TMEM117: variants seen among roughly 807,000 people sequenced by gnomAD.
TMEM117 encodes transmembrane protein 117.
Under a neutral mutation model 52.4 loss-of-function variants are expected in TMEM117, and 27 were observed. The ratio of observed to expected loss-of-function variants is 0.51; its 90% CI spans 0.38 to 0.71. TMEM117 has a LOEUF of 0.71. Among genes scored for constraint, TMEM117 ranks in the 30% least tolerant of loss-of-function variants. The pLI is 0.00. For synonymous variants in TMEM117, 215 were observed against 206.3 expected (o/e 1.04, Z -0.36); for missense variants, 556 against 630.5 (o/e 0.88, Z 1.26).
Position 44,151,407 on chromosome 12 carries a change from G to A in TMEM117, c.510+7783G>A, listed in dbSNP as rs10467197. ...AAGTTTTAGGATACATGTGCACAACGTGCAGGTTTGTTACATATGTATATA... is the reference window on the plus strand; with the variant it reads ...AAGTTTTAGGATACATGTGCACAACATGCAGGTTTGTTACATATGTATATA... On this transcript the variant is annotated intron_variant, in intron 4 of 7. Transcript: ENST00000266534. Among the ~76,000 whole-genome samples, 610 of 147,924 alleles carry A rather than the reference G, an allele frequency of 4.1e-3. 6 individuals are homozygous for A. Among genetic ancestry groups the A allele is most frequent in the African/African-American group, 0.015 (581 of 39,912 alleles).
At chr12:43,899,084 A>T (rs1422052427) in intron 2 of TMEM117, among the ~76,000 whole-genome samples, 1 of 152,244 alleles carries the variant, frequency 6.6e-6, no homozygotes, top group African/African-American at 2.4e-5. Flanking sequence ...AGAACCTTTC[A>T]TACTGCTGAG....
chr12:44,265,005 G>A (rs1426212321), intron 5 of TMEM117, among the ~76,000 whole-genome samples: 1 of 152,176 alleles, frequency 6.6e-6, no homozygotes, highest in African/African-American at 2.4e-5. Context: ...TCTGGGGATA[G>A]TAGATGATAA....
At chr12:44,251,759 T>C (rs1950199321) in intron 5 of TMEM117, among the ~76,000 whole-genome samples, 1 of 152,220 alleles carries the variant, frequency 6.6e-6, no homozygotes, top group Admixed American at 6.6e-5. Context: ...TTTAAAGTCA[T>C]TTATTTACCT....
chr12:44,095,721 T>A (rs1321131816), intron 3 of TMEM117, among the ~76,000 whole-genome samples: 1 of 152,088 alleles, frequency 6.6e-6, no homozygotes, highest in East Asian at 1.9e-4. Context: ...AGCTTCCAAA[T>A]CTTCACCAGT....
At chr12:43,892,528 C>G (rs1944126056) in intron 2 of TMEM117, among the ~76,000 whole-genome samples, 1 of 152,162 alleles carries the variant, frequency 6.6e-6, no homozygotes, top group African/African-American at 2.4e-5. Context: ...AATCCAAGTT[C>G]CCAGATGCCA....
At chr12:44,204,365 T>C (rs1207895828) in intron 4 of TMEM117, among the ~76,000 whole-genome samples, 7 of 152,118 alleles carry the variant, frequency 4.6e-5, no homozygotes, top group Non-Finnish European at 8.8e-5. Context: ...ACCAGGCAGG[T>C]GGAAGATGTA....
the TMEM117 span, among the ~76,000 whole-genome samples, chr12:43,800,820 A>G: frequency 6.6e-6 from 1 of 152,096 alleles, no homozygotes; most frequent in African/African-American, 2.4e-5. Flanking sequence ...GCATGATCTC[A>G]GCTCACTGCA....
At chr12:43,927,409 A>G (rs1944797021) in intron 2 of TMEM117, among the ~76,000 whole-genome samples, 1 of 151,168 alleles carries the variant, frequency 6.6e-6, no homozygotes, top group African/African-American at 2.4e-5. Flanking sequence ...TAATTGTAGT[A>G]TTTAAATATA....
At chr12:43,833,793 A>C (rs557468559), upstream of TMEM117, among the ~76,000 whole-genome samples, 6 of 150,474 alleles carry the variant, frequency 4.0e-5, no homozygotes, top group Admixed American at 2.6e-4. Flanking sequence ...TGTCTCTTTA[A>C]AAAAGAAAAA....
At chr12:44,241,160 A>G (rs1052315988) in intron 5 of TMEM117, among the ~76,000 whole-genome samples, 1 of 151,970 alleles carries the variant, frequency 6.6e-6, no homozygotes, top group African/African-American at 2.4e-5. Context: ...TGTAAAACAC[A>G]ATATAAGCAG....
intron 4 of TMEM117, among the ~76,000 whole-genome samples, chr12:44,174,831 G>T (rs986980348): frequency 2.6e-5 from 4 of 152,146 alleles, no homozygotes; most frequent in Non-Finnish European, 5.9e-5. Context: ...TTAAAAGAAG[G>T]AGGTCAAGTA....
intron 5 of TMEM117, among the ~76,000 whole-genome samples, chr12:44,281,085 T>C (rs1195920353): frequency 6.6e-6 from 1 of 152,192 alleles, no homozygotes; most frequent in East Asian, 1.9e-4. Flanking sequence ...AGTATATTGC[T>C]ACAGTAATAA....
chr12:43,988,143 G>C (rs1409405137), intron 3 of TMEM117, among the ~76,000 whole-genome samples: 1 of 151,998 alleles, frequency 6.6e-6, no homozygotes, highest in African/African-American at 2.4e-5. Flanking sequence ...GTAATAGAAA[G>C]GTTTCATTTA....
At chr12:43,959,278 C>A (rs374953161) in intron 3 of TMEM117, among the ~76,000 whole-genome samples, 1 of 152,166 alleles carries the variant, frequency 6.6e-6, no homozygotes, top group Non-Finnish European at 1.5e-5. Flanking sequence ...GGAGCTCTTA[C>A]ATTTATCCCG....
At position 43,844,188 on chromosome 12, in the gene TMEM117, G is replaced by A. The variant is rs147831931; in HGVS notation, c.-28-436G>A. ...CAGAAAATACAAAAGTTAACCAGGC[G>A]TGGTGGCACATGCCTGTGGCCACAG... On this transcript the variant is annotated intron_variant, in intron 1 of 7. Coordinates refer to ENST00000266534, the MANE Select transcript of TMEM117 (RefSeq NM_032256.3). 2.4e-4 allele frequency among the ~76,000 whole-genome samples: 37 copies of A among 152,316 alleles called. No individual in the cohort carries two copies. The East Asian group carries it at 6.8e-3, about 28-fold the overall frequency.
chr12:44,212,299 C>T (rs1403961051), intron 5 of TMEM117, among the ~76,000 whole-genome samples: 1 of 152,138 alleles, frequency 6.6e-6, no homozygotes. Context: ...GTCGATGCTA[C>T]CTGCCCTTTA....
chr12:43,886,442 A>G (rs1943996046), intron 2 of TMEM117, among the ~76,000 whole-genome samples: 1 of 152,204 alleles, frequency 6.6e-6, no homozygotes. Flanking sequence ...TATAAAAGAT[A>G]TTTCAGTGGA....
At chr12:44,327,809 G>T (rs931971611) in intron 6 of TMEM117, among the ~76,000 whole-genome samples, 1 of 152,074 alleles carries the variant, frequency 6.6e-6, no homozygotes, top group African/African-American at 2.4e-5. Flanking sequence ...TGCAGGAAAA[G>T]TTCCGAGTCA....
intron 3 of TMEM117, among the ~76,000 whole-genome samples, chr12:44,048,022 A>T (rs996616810): frequency 1.3e-5 from 2 of 152,092 alleles, no homozygotes; most frequent in South Asian, 2.1e-4. Flanking sequence ...TTTGGGAAAA[A>T]TTTTTAAATC....
Sources: allele counts gnomAD v4.1 joint callset (sites outside exome capture counted in the v4.1 genomes callset), GRCh38; gene constraint gnomAD v4.1.1; transcripts MANE v1.5; gene names NCBI Gene and HGNC (gene_info 2026-07-23, HGNC 2026-07-21).